ASB1: variants seen among roughly 807,000 people sequenced by gnomAD.
ASB1 encodes the protein ankyrin repeat and SOCS box protein 1.
Under a neutral mutation model 27.7 loss-of-function variants are expected in ASB1, and 18 were observed. The observed-to-expected ratio is 0.65, with a 90% confidence interval of 0.45 to 0.96. The LOEUF (loss-of-function observed/expected upper bound fraction) is 0.96, where lower values mean the gene tolerates loss of function less well. Among genes scored for constraint, ASB1 ranks in the 50% least tolerant of loss-of-function variants. ASB1 has a pLI of 0.00. For missense variants in ASB1, 397 were observed against 451.7 expected (o/e 0.88, Z 1.10); for synonymous variants, 189 against 187.6 (o/e 1.01, Z -0.06).
At chr2:238,429,050 A>G (rs508986) in intron 1 of ASB1, among the ~76,000 whole-genome samples, 124,659 of 152,206 alleles carry the variant, frequency 0.82, 51,728 homozygotes, top group African/African-American at 0.95. Flanking sequence ...ATCTGCGGCG[A>G]GTCTGGTTGT....
intron 3 of ASB1, among the ~76,000 whole-genome samples, chr2:238,437,381 A>G (rs559686): frequency 0.8 from 120,772 of 151,870 alleles, 48,325 homozygotes; most frequent in African/African-American, 0.87. Flanking sequence ...ACAGGTGCCC[A>G]CCACCATGGC....
intron 3 of ASB1, among the ~76,000 whole-genome samples, chr2:238,439,650 A>C (rs551020085): frequency 6.6e-6 from 1 of 152,328 alleles, no homozygotes; most frequent in East Asian, 1.9e-4. Flanking sequence ...ATGAAAGCTC[A>C]AGAAAACAGG....
intron 3 of ASB1, among the ~76,000 whole-genome samples, chr2:238,437,562 CT>C (rs5839700): frequency 6.7e-5 from 10 of 149,260 alleles, no homozygotes; most frequent in East Asian, 2.0e-4. Flanking sequence ...TAACGGTTGC[CT>C]TTTTTTTTTT....
chr2:238,444,226 G>A (rs1702132338), intron 3 of ASB1, 116 bp from the exon 4 acceptor site: 3 of 1,142,058 alleles, frequency 2.6e-6, no homozygotes, highest in Admixed American at 2.5e-5. Context: ...ACAGCGCCTG[G>A]TGTCACTGAA....
intron 2 of ASB1, among the ~76,000 whole-genome samples, chr2:238,434,727 A>G (rs971108865): frequency 7.2e-5 from 11 of 152,212 alleles, no homozygotes; most frequent in African/African-American, 2.7e-4. Context: ...CCTTAATTCA[A>G]CTTGCAGATG....
In ASB1 at chr2:238,450,397, T is replaced by C. The variant is rs1702259592; in HGVS notation, c.*3886T>C. On this transcript the variant is annotated 3_prime_UTR_variant, in exon 5 of 5. Coordinates refer to ENST00000264607, the MANE Select transcript of ASB1 (RefSeq NM_001040445.3). ...TCCTTTTATGTAATGAAGGTAAAAG[T>C]AGAGGGCAATATTTTTGCTTTTTGA... The C allele has an allele frequency of 6.6e-6, 1 of 152,256 alleles. No individual in the cohort carries two copies. The highest frequency in any genetic ancestry group is 6.5e-5 in the Admixed American group (1 of 15,290). 9.4% of individuals were successfully genotyped at this position (152,256 alleles called of 1,614,324 possible).
At chr2:238,440,336 A>T (rs557910489) in intron 3 of ASB1, among the ~76,000 whole-genome samples, 2 of 152,168 alleles carry the variant, frequency 1.3e-5, no homozygotes, top group Non-Finnish European at 2.9e-5. Context: ...ATTTCTGTTT[A>T]TATTTCTTTA....
At chr2:238,428,399 T>G (rs1249387417) in intron 1 of ASB1, among the ~76,000 whole-genome samples, 1 of 152,178 alleles carries the variant, frequency 6.6e-6, no homozygotes, top group Non-Finnish European at 1.5e-5. Flanking sequence ...CAAGCGATGC[T>G]CTGGCCTCAG....
At position 238,450,508 on chromosome 2, in the gene ASB1, A is replaced by G. The variant is rs774860192; in HGVS notation, c.*3997A>G. 1 of 152,236 alleles carries G rather than the reference A, an allele frequency of 6.6e-6. No individual in the cohort carries two copies. Among genetic ancestry groups the G allele is most frequent in the African/African-American group, 2.4e-5 (1 of 41,458 alleles). The allele number at this position is 152,236 out of a possible 1,614,324, so 9.4% of individuals were successfully genotyped here. ...TAAGTTCGCCTGTCTCTGAAATCCC[A>G]AAGTCACGGAACCGCAGTCTAGCTG... On this transcript the variant is annotated 3_prime_UTR_variant, in exon 5 of 5. Coordinates refer to ENST00000264607, the MANE Select transcript of ASB1 (RefSeq NM_001040445.3).
Position 238,435,977 on chromosome 2 carries a change from G to C in ASB1, c.458G>C (p.Arg153Pro). Residue 153 changes from arginine to proline, a missense_variant, in exon 3 of 5, where the codon CGC (arginine) becomes CCC (proline). Physicochemically the swap from Arg to Pro is moderately radical, Grantham distance 103. Coordinates refer to ENST00000264607, the MANE Select transcript of ASB1 (RefSeq NM_001040445.3). ...HRSTPVYHAS[R>P]VGRADILKAL... ...AGCACCCCTGTCTACCACGCCTCTC[G>C]CGTGGGCCGGGCAGACATCCTGAAG... 4 of 1,613,642 alleles carry C rather than the reference G, an allele frequency of 2.5e-6. No individual in the cohort carries two copies. The highest frequency in any genetic ancestry group is 3.4e-6 in the Non-Finnish European group (4 of 1,179,908).
chr2:238,432,303 C>G (rs908974718), intron 1 of ASB1, among the ~76,000 whole-genome samples: 1 of 152,110 alleles, frequency 6.6e-6, no homozygotes, highest in Non-Finnish European at 1.5e-5. Context: ...ATGGGTCACG[C>G]TTTATTTAAA....
rs1702268720 is a variant in ASB1, at chr2:238,450,845, CA to C, written c.*4335del. On this transcript the variant is annotated 3_prime_UTR_variant, in exon 5 of 5. Coordinates refer to ENST00000264607, the MANE Select transcript of ASB1 (RefSeq NM_001040445.3). The stretch of plus-strand genomic sequence containing the variant: ...TGTGGGTCTTCTGGCTCTGGGGCTA[CA>C]GCTTCTGCCTCCTCACCTGGCCGTC... 6.6e-6 allele frequency: 1 copy of C among 152,388 alleles called. No individual in the cohort carries two copies. Among genetic ancestry groups the C allele is most frequent in the South Asian group, 2.1e-4 (1 of 4,822 alleles). The allele number at this position is 152,388 out of a possible 1,614,324, so 9.4% of individuals were successfully genotyped here.
chr2:238,446,577 C>T lies in ASB1; in HGVS notation c.*66C>T. The T allele has an allele frequency of 6.3e-7, 1 of 1,587,066 alleles. No individual in the cohort carries two copies. The highest frequency in any genetic ancestry group is 8.6e-7 in the Non-Finnish European group (1 of 1,165,424). On this transcript the variant is annotated 3_prime_UTR_variant, in exon 5 of 5. Transcript: ENST00000264607. ...ATCTGCAGGGAGGTGGACACCGAGC[C>T]CTGAGTGCTGTGCTGCTGCTGGTCT...
At chr2:238,437,058 G>A (rs994351757) in intron 3 of ASB1, among the ~76,000 whole-genome samples, 3 of 152,128 alleles carry the variant, frequency 2.0e-5, no homozygotes, top group African/African-American at 7.2e-5. Flanking sequence ...TGCTTGTGTA[G>A]AACCATTTGT....
intron 3 of ASB1, among the ~76,000 whole-genome samples, chr2:238,442,126 T>TG (rs1434040672): frequency 6.6e-6 from 1 of 151,508 alleles, no homozygotes; most frequent in East Asian, 1.9e-4. Context: ...TCTAAATTTT[T>TG]TTTTTTTTTT....
chr2:238,428,328 T>A (rs1701801604), intron 1 of ASB1, among the ~76,000 whole-genome samples: 1 of 152,198 alleles, frequency 6.6e-6, no homozygotes, highest in Admixed American at 6.5e-5. Context: ...TTCGCTCTTG[T>A]TGCCCAGGGT....
At chr2:238,429,961 A>G (rs1461631764) in intron 1 of ASB1, among the ~76,000 whole-genome samples, 1 of 151,090 alleles carries the variant, frequency 6.6e-6, no homozygotes, top group Non-Finnish European at 1.5e-5. Flanking sequence ...AACCAAGTAC[A>G]ATAATACCAT....
intron 3 of ASB1, among the ~76,000 whole-genome samples, chr2:238,438,118 G>C (rs1386301020): frequency 6.6e-6 from 1 of 151,804 alleles, no homozygotes; most frequent in Non-Finnish European, 1.5e-5. Flanking sequence ...AAGCCCTTTG[G>C]GTATTTCAGT....
In ASB1 at chr2:238,444,559, T is replaced by A. The variant is rs766853799; in HGVS notation, c.712T>A (p.Cys238Ser). The A allele has an allele frequency of 1.2e-6, 2 of 1,614,206 alleles. No individual in the cohort carries two copies. The highest frequency in any genetic ancestry group is 2.7e-5 in the African/African-American group (2 of 75,050). The change falls in exon 4 of 5, where the codon TGC (cysteine) becomes AGC (serine). Residue 238 changes from cysteine (C) to serine (S), a missense_variant. By Grantham distance (112) the Cys-to-Ser change is moderately radical. Coordinates refer to ENST00000264607, the MANE Select transcript of ASB1 (RefSeq NM_001040445.3). The part of the protein sequence containing the change: ...TQGFYRGSPG[C>S]VMDAVLRHGC... ...GGGATTCTACAGGGGCTCCCCTGGG[T>A]GCGTCATGGATGCTGTTCTGCGCCA...
Sources: allele counts gnomAD v4.1 joint callset (sites outside exome capture counted in the v4.1 genomes callset), GRCh38; gene constraint gnomAD v4.1.1; transcripts MANE v1.5; gene names NCBI Gene and HGNC (gene_info 2026-07-23, HGNC 2026-07-21).